The following VPS13B variants were observed in gnomAD, a reference collection of about 807,000 sequenced individuals.
VPS13B encodes the protein vacuolar protein sorting 13 homolog B.
A neutral mutation model predicts 426.4 loss-of-function variants in VPS13B; 285 were observed. The observed-to-expected ratio is 0.67, with a 90% CI of 0.61 to 0.74. The LOEUF (loss-of-function observed/expected upper bound fraction) is 0.74. Among genes scored for constraint, VPS13B ranks in the 30% least tolerant of loss-of-function variants. The pLI is 0.00. For synonymous variants in VPS13B, 1,676 were observed against 1,676.4 expected, an observed-to-expected ratio of 1.00 and a Z score of 0.01; for missense variants, 4,537 against 4,782.6, an observed-to-expected ratio of 0.95 and a Z score of 1.51.
chr8:99,313,629 G>A (rs1821137449), intron 19 of VPS13B, among the ~76,000 whole-genome samples: 1 of 152,166 alleles, frequency 6.6e-6, no homozygotes, highest in East Asian at 1.9e-4. Context: ...ACCCACTTGA[G>A]GGGGCAGTCT....
intron 39 of VPS13B, among the ~76,000 whole-genome samples, chr8:99,763,238 A>T (rs1294466646): frequency 6.6e-6 from 1 of 152,002 alleles, no homozygotes; most frequent in African/African-American, 2.4e-5. Context: ...TCTGATCCAA[A>T]GTTCATACTT....
intron 19 of VPS13B, among the ~76,000 whole-genome samples, chr8:99,332,399 T>G (rs1810590670): frequency 6.6e-6 from 1 of 151,732 alleles, no homozygotes; most frequent in African/African-American, 2.4e-5. Context: ...TCTTTTCATA[T>G]ATGGCCACTT....
At position 99,800,194 on chromosome 8, in the gene VPS13B, CCCT is replaced by C. The variant is rs1231518709; in HGVS notation, c.7942-9176_7942-9174del. Among the ~76,000 whole-genome samples, 5 of 151,946 alleles carry C rather than the reference CCCT, an allele frequency of 3.3e-5. No individual in the cohort carries two copies. In the East Asian group the frequency reaches 9.7e-4, roughly 29 times the overall value. ...AATTATTTCAGATTTTATAGACAGT[CCCT>C]CCTCTTCTGTATGTACATATATATC... On this transcript the variant is annotated intron_variant, in intron 43 of 61. Transcript: ENST00000357162.
At chr8:99,557,982 G>T (rs192278087) in intron 31 of VPS13B, among the ~76,000 whole-genome samples, 1 of 151,964 alleles carries the variant, frequency 6.6e-6, no homozygotes, top group Admixed American at 6.6e-5. Context: ...GTAACATACC[G>T]TGGTGGTTTA....
At chr8:99,583,844 G>C (rs933050441) in intron 33 of VPS13B, among the ~76,000 whole-genome samples, 6 of 152,154 alleles carry the variant, frequency 3.9e-5, no homozygotes, top group African/African-American at 1.4e-4. Flanking sequence ...GCATGAAGGA[G>C]TATGTCGATT....
At chr8:99,107,743 A>G (rs1014748931) in intron 5 of VPS13B, among the ~76,000 whole-genome samples, 1 of 152,224 alleles carries the variant, frequency 6.6e-6, no homozygotes, top group Non-Finnish European at 1.5e-5. Context: ...GCATATGTAA[A>G]CATTCAGTTA....
Position 99,833,583 on chromosome 8 carries a change from A to G in VPS13B, c.9614+931A>G, listed in dbSNP as rs567215769. Among the ~76,000 whole-genome samples the G allele has an allele frequency of 2.6e-5, 4 of 152,268 alleles. No homozygotes were observed. In the South Asian group the frequency reaches 8.3e-4, roughly 32 times the overall value. The stretch of plus-strand genomic sequence containing the variant: ...TCACAAAATCCTTGATTTTACAAAC[A>G]TTTGTCATCTTTTACACTGTAGAGG... On this transcript the variant is annotated intron_variant, in intron 52 of 61. Transcript: ENST00000357162.
At chr8:99,029,972 T>C (rs900373413) in intron 2 of VPS13B, among the ~76,000 whole-genome samples, 2 of 152,190 alleles carry the variant, frequency 1.3e-5, no homozygotes, top group Non-Finnish European at 2.9e-5. Flanking sequence ...TAATGTATCC[T>C]GAGAGGACCT....
rs189394166 is a variant in VPS13B at position 99,669,243 on chromosome 8, G to T, written c.6046+7752G>T. The stretch of plus-strand genomic sequence containing the variant: ...CATTTTAAAAGTTTTTTTAACCATA[G>T]GATTCCTTAACTTTGAAATGCAATT... On this transcript the variant is annotated intron_variant, in intron 35 of 61. Coordinates refer to ENST00000357162, the MANE Select transcript of VPS13B (RefSeq NM_152564.5). Among the ~76,000 whole-genome samples, 27 of 150,868 alleles carry T rather than the reference G, an allele frequency of 1.8e-4. No homozygotes were observed. The East Asian group carries it at 3.7e-3, about 21-fold the overall frequency.
At position 99,143,129 on chromosome 8, in the gene VPS13B, G is replaced by A. The variant is rs1563565542; in HGVS notation, c.1807G>A (p.Glu603Lys). The A allele has an allele frequency of 6.2e-7, 1 of 1,613,872 alleles. No individual in the cohort carries two copies. The highest frequency in any genetic ancestry group is 8.5e-7 in the Non-Finnish European group (1 of 1,179,962). Residue 603 changes from glutamate to lysine, a missense_variant, in exon 13 of 62, where the codon GAA (glutamate) becomes AAA (lysine). Physicochemically the swap from Glu to Lys is moderately conservative, Grantham distance 56. This residue lies in a region of VPS13B where 4,311 missense variants were observed against 4,474.3 expected (regional missense o/e 0.96). Transcript: ENST00000357162. ...TTTGAAAATGATTGTGTGTGCCTTG[G>A]AACATGAATATGAACCATATAGCAG... Reference protein sequence around the residue: ...RILKMIVCALEHEYEPYSRLK... With the variant: ...RILKMIVCALKHEYEPYSRLK...
chr8:99,504,707 G>T (rs960734828), intron 27 of VPS13B, among the ~76,000 whole-genome samples: 4 of 152,180 alleles, frequency 2.6e-5, no homozygotes, highest in Non-Finnish European at 4.4e-5. Flanking sequence ...GAGAAGAGTA[G>T]ATTTAACAAA....
intron 29 of VPS13B, among the ~76,000 whole-genome samples, chr8:99,514,995 C>T (rs1821980491): frequency 6.6e-6 from 1 of 152,162 alleles, no homozygotes; most frequent in South Asian, 2.1e-4. Flanking sequence ...CACCTGTGTG[C>T]CGAGCACCTG....
chr8:99,239,542 TAA>T, intron 17 of VPS13B, among the ~76,000 whole-genome samples: 1 of 152,190 alleles, frequency 6.6e-6, no homozygotes, highest in Non-Finnish European at 1.5e-5. Context: ...ATCTTTCTAG[TAA>T]ACTGTTTGGT....
At chr8:99,156,915 A>G (rs113841173) in intron 15 of VPS13B, among the ~76,000 whole-genome samples, 172 bp downstream of exon 15, 256 of 152,346 alleles carry the variant, frequency 1.7e-3, no homozygotes, top group African/African-American at 5.2e-3. Context: ...TAATAAAAAT[A>G]TACTTATTTT....
At chr8:99,268,091 T>C (rs1463207960) in intron 17 of VPS13B, among the ~76,000 whole-genome samples, 2 of 152,006 alleles carry the variant, frequency 1.3e-5, no homozygotes, top group Non-Finnish European at 2.9e-5. Flanking sequence ...GTCCTGAGAG[T>C]ACACAGAAGA....
At chr8:99,850,264 A>G (rs1316743844) in intron 55 of VPS13B, among the ~76,000 whole-genome samples, 1 of 138,008 alleles carries the variant, frequency 7.2e-6, no homozygotes, top group Non-Finnish European at 1.6e-5. Context: ...TACATACATA[A>G]GTACGCATGT....
intron 16 of VPS13B, among the ~76,000 whole-genome samples, chr8:99,177,316 A>G (rs1394427178): frequency 6.6e-6 from 1 of 152,144 alleles, no homozygotes; most frequent in Admixed American, 6.6e-5. Context: ...GTATATGTTA[A>G]TGGTCTTGCC....
At chr8:99,045,541 A>G (rs1843193993) in intron 3 of VPS13B, among the ~76,000 whole-genome samples, 1 of 152,062 alleles carries the variant, frequency 6.6e-6, no homozygotes, top group South Asian at 2.1e-4. Flanking sequence ...TGCCGTGCAA[A>G]AGCTCTTTAG....
chr8:99,168,009 G>A (rs1167141179), intron 15 of VPS13B, among the ~76,000 whole-genome samples: 7 of 152,074 alleles, frequency 4.6e-5, no homozygotes, highest in Admixed American at 4.6e-4. Context: ...CAAATTATTA[G>A]CTTATATAGG....
Sources: gnomAD v4.1 joint callset for allele counts (sites outside exome capture counted in the v4.1 genomes callset) on GRCh38, gnomAD v4.1.1 for gene constraint, gnomAD v4.1.1 regional missense constraint, MANE v1.5 for transcripts, NCBI Gene and HGNC (gene_info 2026-07-23, HGNC 2026-07-21) for gene names.